The following CECR2 variants were observed in gnomAD, a reference collection of about 807,000 sequenced individuals.
The protein encoded by CECR2 is CECR2 histone acetyl-lysine reader.
Under a neutral mutation model 154.5 loss-of-function variants are expected in CECR2, and 30 were observed. The ratio of observed to expected loss-of-function variants is 0.19; its 90% CI spans 0.15 to 0.26. The LOEUF (loss-of-function observed/expected upper bound fraction) is 0.26. Among genes scored for constraint, CECR2 ranks in the 10% least tolerant of loss-of-function variants. CECR2 has a pLI of 1.00. For missense variants in CECR2, 1,743 were observed against 1,829.3 expected, an observed-to-expected ratio of 0.95 and a Z score of 0.86; for synonymous variants, 725 against 683.7, an observed-to-expected ratio of 1.06 and a Z score of -0.94.
intron 1 of CECR2, among the ~76,000 whole-genome samples, chr22:17,405,158 C>G (rs1349446542): frequency 6.6e-6 from 1 of 152,062 alleles, no homozygotes; most frequent in East Asian, 1.9e-4. Context: ...ACCTGTAATC[C>G]CAGCACTTTG....
chr22:17,375,660 T>C (rs2063110251), intron 1 of CECR2, among the ~76,000 whole-genome samples: 1 of 151,936 alleles, frequency 6.6e-6, no homozygotes, highest in African/African-American at 2.4e-5. Flanking sequence ...TTTAAAGTGA[T>C]TTTTAAAATA....
Position 17,523,770 on chromosome 22 carries a change from A to G in CECR2, c.955-348A>G, listed in dbSNP as rs970593869. On this transcript the variant is annotated intron_variant, in intron 8 of 18. Transcript: ENST00000262608. ...GACTCTATCTCAAAAAAAAAAAAAAAAAAAAGAAAAAAAAGCTTCCCTTTA... is the reference window on the plus strand; with the variant it reads ...GACTCTATCTCAAAAAAAAAAAAAAGAAAAAGAAAAAAAAGCTTCCCTTTA... Among the ~76,000 whole-genome samples, 148 of 145,138 alleles carry G rather than the reference A, an allele frequency of 1.0e-3. No individual in the cohort carries two copies. The East Asian group carries it at 0.012, about 11-fold the overall frequency.
intron 5 of CECR2, among the ~76,000 whole-genome samples, chr22:17,501,886 T>G (rs2055744720): frequency 6.6e-6 from 1 of 152,298 alleles, no homozygotes; most frequent in South Asian, 2.1e-4. Context: ...TACTGGTGAC[T>G]TTTTTCCTTT....
chr22:17,543,361 C>T (rs1026943610), intron 16 of CECR2, among the ~76,000 whole-genome samples: 1 of 151,394 alleles, frequency 6.6e-6, no homozygotes, highest in Admixed American at 6.6e-5. Context: ...GTCTCAATCT[C>T]GTGACCTTGT....
chr22:17,414,607 C>G (rs2054128942), intron 1 of CECR2, among the ~76,000 whole-genome samples: 2 of 151,452 alleles, frequency 1.3e-5, no homozygotes, highest in Admixed American at 6.6e-5. Context: ...TGTTGGTGTG[C>G]TGCACCCATT....
intron 1 of CECR2, among the ~76,000 whole-genome samples, chr22:17,388,684 G>A (rs2063292894): frequency 1.3e-5 from 2 of 152,120 alleles, no homozygotes; most frequent in Admixed American, 6.5e-5. Flanking sequence ...AGAAGTGAAA[G>A]CAATTCAGTT....
chr22:17,498,742 C>T (rs532147753), intron 3 of CECR2, among the ~76,000 whole-genome samples: 7 of 149,314 alleles, frequency 4.7e-5, no homozygotes, highest in South Asian at 2.2e-4. Flanking sequence ...CTGATCCACC[C>T]GGTTGTACTT....
chr22:17,469,988 C>T (rs1256361122), intron 1 of CECR2, among the ~76,000 whole-genome samples: 2 of 152,180 alleles, frequency 1.3e-5, no homozygotes, highest in East Asian at 3.8e-4. Flanking sequence ...CAGCACATAA[C>T]AGAGCCTGGC....
intron 1 of CECR2, among the ~76,000 whole-genome samples, chr22:17,391,665 AATC>A (rs2146506337): frequency 6.6e-6 from 1 of 152,364 alleles, no homozygotes; most frequent in South Asian, 2.1e-4. Flanking sequence ...TGGAAATTAT[AATC>A]ATTTGGGAGA....
intron 1 of CECR2, among the ~76,000 whole-genome samples, chr22:17,396,083 A>T (rs1037345028): frequency 5.5e-5 from 8 of 144,892 alleles, no homozygotes; most frequent in African/African-American, 1.5e-4. Context: ...CTACGAAAAT[A>T]AAAAAAAAAA....
intron 2 of CECR2, among the ~76,000 whole-genome samples, chr22:17,487,545 T>TA (rs2055444033): frequency 6.6e-6 from 1 of 151,982 alleles, no homozygotes; most frequent in Non-Finnish European, 1.5e-5. Context: ...TTAAAAAATA[T>TA]AAAAAATCAG....
At chr22:17,498,378 G>A (rs1438034043) in intron 3 of CECR2, among the ~76,000 whole-genome samples, 5 of 137,768 alleles carry the variant, frequency 3.6e-5, no homozygotes, top group South Asian at 2.5e-4. Context: ...GTGACAGAGC[G>A]AGACTCCGTC....
chr22:17,498,668 A>C (rs887597367), intron 3 of CECR2, among the ~76,000 whole-genome samples: 3 of 152,152 alleles, frequency 2.0e-5, no homozygotes, highest in Non-Finnish European at 2.9e-5. Flanking sequence ...CTGGAGTGAG[A>C]GGTCACAGGA....
chr22:17,509,230 G>A (rs575373790), intron 7 of CECR2, among the ~76,000 whole-genome samples: 2 of 152,158 alleles, frequency 1.3e-5, no homozygotes, highest in East Asian at 3.9e-4. Context: ...CAGCCTGGGC[G>A]ACAGATGGAG....
At chr22:17,403,526 A>AT (rs1329406598) in intron 1 of CECR2, among the ~76,000 whole-genome samples, 4 of 152,206 alleles carry the variant, frequency 2.6e-5, no homozygotes, top group Non-Finnish European at 5.9e-5. Flanking sequence ...ACAGTAGTGA[A>AT]TAAGGGGCTC....
chr22:17,505,629 G>T (rs1036368222), intron 7 of CECR2, among the ~76,000 whole-genome samples: 2 of 137,738 alleles, frequency 1.5e-5, no homozygotes, highest in Non-Finnish European at 3.0e-5. Flanking sequence ...TGCCTTCCAA[G>T]TTCAAGCGAT....
At chr22:17,386,363 T>TAA (rs148724683) in intron 1 of CECR2, among the ~76,000 whole-genome samples, 1 of 151,444 alleles carries the variant, frequency 6.6e-6, no homozygotes, top group Non-Finnish European at 1.5e-5. Context: ...AAGGGCGTTT[T>TAA]AAAAAAAAAC....
At position 17,504,734 on chromosome 22, in the gene CECR2, C is replaced by T. The variant is rs907539211; in HGVS notation, c.701-113C>T. On this transcript the variant is annotated intron_variant, in intron 6 of 18. Coordinates refer to ENST00000262608, the MANE Select transcript of CECR2 (RefSeq NM_001290047.2). ...GGGATTACAGGCTTGAGCCACCGCG[C>T]CCGGCCGAGTTCCTTATTTTAGTCA... The T allele has an allele frequency of 3.0e-4, 278 of 932,488 alleles. No individual in the cohort carries two copies. The Middle Eastern group carries it at 3.5e-3, about 12-fold the overall frequency. 57.8% of individuals were successfully genotyped at this position (932,488 alleles called of 1,614,324 possible).
rs1280251800 is a variant in CECR2, at chr22:17,391,530, T to A, written c.126+21621T>A. On this transcript the variant is annotated intron_variant, in intron 1 of 18. Transcript: ENST00000262608. Reference sequence around the variant, plus strand: ...TCATCTGCATCTTGGTTGTCTCGTGTTCCATAGGGCTGTGGTGAGGTTCGA... The same window carrying A: ...TCATCTGCATCTTGGTTGTCTCGTGATCCATAGGGCTGTGGTGAGGTTCGA... Among the ~76,000 whole-genome samples, 7 of 152,224 alleles carry A rather than the reference T, an allele frequency of 4.6e-5. 1 individual carries two copies. The South Asian group carries it at 1.0e-3, about 22-fold the overall frequency.
Sources: gnomAD v4.1 joint callset for allele counts (sites outside exome capture counted in the v4.1 genomes callset) on GRCh38, gnomAD v4.1.1 for gene constraint, MANE v1.5 for transcripts, NCBI Gene and HGNC (gene_info 2026-07-23, HGNC 2026-07-21) for gene names.